FBXW4: variants seen among roughly 807,000 people sequenced by gnomAD.
The protein encoded by FBXW4 is F-box and WD repeat domain containing 4, also known as F-box/WD repeat-containing protein 4.
FBXW4 carries 40 observed loss-of-function variants against 61.8 expected under a neutral mutation model. That is an observed-to-expected ratio of 0.65 (90% CI 0.50 to 0.84). The LOEUF is 0.84. Ranked by LOEUF, FBXW4 falls within the 40% of genes least tolerant of loss-of-function variation. The probability of loss-of-function intolerance (pLI) is 0.00; values close to 1 mark genes in which losing one functional copy is unlikely to be tolerated. For synonymous variants in FBXW4, 311 were observed against 313.8 expected (o/e 0.99, Z 0.10); for missense variants, 672 against 753.8 (o/e 0.89, Z 1.27).
chr10:101,646,704 G>C (rs919038841), intron 5 of FBXW4, among the ~76,000 whole-genome samples: 1 of 152,226 alleles, frequency 6.6e-6, no homozygotes, highest in Non-Finnish European at 1.5e-5. Context: ...AAGGAGGCTG[G>C]AGAGAGCACT....
intron 5 of FBXW4, among the ~76,000 whole-genome samples, chr10:101,665,085 G>C (rs2064285178): frequency 2.6e-5 from 4 of 152,106 alleles, no homozygotes; most frequent in African/African-American, 9.7e-5. Context: ...TCTCAAGACT[G>C]AGAAAATGGC....
chr10:101,666,199 C>T (rs2064298301), intron 5 of FBXW4, among the ~76,000 whole-genome samples: 1 of 152,202 alleles, frequency 6.6e-6, no homozygotes, highest in Non-Finnish European at 1.5e-5. Flanking sequence ...CTTTCCTTCC[C>T]TCTTTCCTAC....
intron 1 of FBXW4, among the ~76,000 whole-genome samples, chr10:101,686,188 A>G (rs1163131838): frequency 1.3e-5 from 2 of 152,154 alleles, no homozygotes; most frequent in Non-Finnish European, 2.9e-5. Context: ...CTTGACCAGT[A>G]TGTGTGTTCT....
At chr10:101,684,624 T>C (rs2064515205) in intron 1 of FBXW4, among the ~76,000 whole-genome samples, 2 of 152,190 alleles carry the variant, frequency 1.3e-5, no homozygotes, top group Admixed American at 6.5e-5. Context: ...TCTCTCCAGA[T>C]TTTTCCCCAG....
At chr10:101,634,032 G>A (rs1380184228) in intron 5 of FBXW4, among the ~76,000 whole-genome samples, 4 of 152,116 alleles carry the variant, frequency 2.6e-5, no homozygotes, top group Non-Finnish European at 5.9e-5. Context: ...AGAATCACTT[G>A]AAACTGGGAG....
chr10:101,671,508 A>G (rs1352453879), intron 4 of FBXW4, among the ~76,000 whole-genome samples: 1 of 152,186 alleles, frequency 6.6e-6, no homozygotes, highest in Non-Finnish European at 1.5e-5. Flanking sequence ...ATGCCCTCAG[A>G]TTGCTACCTA....
chr10:101,611,497 G>A lies in FBXW4; in HGVS notation c.1585-87C>T. ...CCCAGGATCCCCAGGCCCAGGGGAA[G>A]AGGGACGTGTGCCATTGTAGGCTTC... On this transcript the variant is annotated intron_variant, in intron 8 of 8. Coordinates refer to ENST00000331272, the MANE Select transcript of FBXW4 (RefSeq NM_022039.4). The surrounding 1 kb of genome is among the most constrained non-coding windows in gnomAD (Gnocchi z 4.9). The A allele has an allele frequency of 1.3e-6, 2 of 1,570,804 alleles. No individual in the cohort carries two copies. Among genetic ancestry groups the A allele is most frequent in the East Asian group, 2.3e-5 (1 of 44,346 alleles).
intron 1 of FBXW4, chr10:101,676,678 G>T (rs1589776914): frequency 1.8e-5 from 2 of 111,516 alleles, no homozygotes; most frequent in Non-Finnish European, 1.6e-5. Flanking sequence ...GAGAATGCAT[G>T]ACAATCCTGG....
Position 101,694,601 on chromosome 10 carries a change from C to G in FBXW4, c.505G>C (p.Ala169Pro). Reference sequence around the variant, plus strand: ...GGGCGGGCAGCCGACTCCCGAGCCGCCTCCTCCTCCTCCTCCTCCTCCCCG... The same window carrying G: ...GGGCGGGCAGCCGACTCCCGAGCCGGCTCCTCCTCCTCCTCCTCCTCCCCG... ...AAGEEEEEEE[A>P]ARESAARPAA... Residue 169 changes from alanine (A) to proline (P), a missense_variant, in exon 1 of 9, where the codon GCG (alanine) becomes CCG (proline). This residue lies in a region of FBXW4 where 311 missense variants were observed against 301.1 expected (regional missense o/e 1.03). Coordinates refer to ENST00000331272, the MANE Select transcript of FBXW4 (RefSeq NM_022039.4). This position sits in a 1 kb window ranked among gnomAD's most constrained non-coding sequence, Gnocchi z 6.0. The G allele has an allele frequency of 3.3e-5, 40 of 1,205,186 alleles. No homozygotes were observed. Among genetic ancestry groups the G allele is most frequent in the Non-Finnish European group, 4.3e-5 (40 of 936,464 alleles). 74.7% of individuals were successfully genotyped at this position (1,205,186 alleles called of 1,614,324 possible). A position where few individuals can be genotyped will look rare whatever the true frequency, so the allele number is the denominator to read the frequency against.
At chr10:101,647,016 T>C (rs145006189) in intron 5 of FBXW4, among the ~76,000 whole-genome samples, 5 of 152,266 alleles carry the variant, frequency 3.3e-5, no homozygotes, top group African/African-American at 4.8e-5. Flanking sequence ...ATGGCTTCAG[T>C]CAGCGATACC....
chr10:101,632,696 A>G (rs1347890679), intron 5 of FBXW4, among the ~76,000 whole-genome samples: 1 of 152,228 alleles, frequency 6.6e-6, no homozygotes, highest in Non-Finnish European at 1.5e-5. Flanking sequence ...AGCTGCAGGG[A>G]GAAGAGTTTC....
At chr10:101,670,634 T>C (rs2064350338) in intron 4 of FBXW4, among the ~76,000 whole-genome samples, 1 of 152,172 alleles carries the variant, frequency 6.6e-6, no homozygotes, top group Admixed American at 6.5e-5. Context: ...AGGCTTTATC[T>C]CCCTTACTTC....
intron 2 of FBXW4, 45 bp from the exon 3 acceptor site, chr10:101,673,718 A>G: frequency 1.3e-6 from 2 of 1,574,780 alleles, no homozygotes; most frequent in Non-Finnish European, 1.7e-6. Context: ...AAGATACAGT[A>G]TGAAAACTCA....
intron 5 of FBXW4, among the ~76,000 whole-genome samples, chr10:101,667,013 C>T (rs527563653): frequency 3.7e-4 from 56 of 151,840 alleles, no homozygotes; most frequent in African/African-American, 7.5e-4. Context: ...AGGCGGATCA[C>T]GAGGTCAGGT....
Position 101,611,522 on chromosome 10 carries a change from C to T in FBXW4, c.1584+106G>A. The T allele has an allele frequency of 6.4e-7, 1 of 1,573,454 alleles. No individual in the cohort carries two copies. The highest frequency in any genetic ancestry group is 1.3e-5 in the African/African-American group (1 of 74,422). ...GAGGGACGTGTGCCATTGTAGGCTT[C>T]TTCCAACCCTTTCTAGGCACGTCCT... On this transcript the variant is annotated intron_variant, in intron 8 of 8. Coordinates refer to ENST00000331272, the MANE Select transcript of FBXW4 (RefSeq NM_022039.4). The surrounding 1 kb of genome is among the most constrained non-coding windows in gnomAD (Gnocchi z 4.9).
chr10:101,637,391 C>CAAAAA (rs908050683), intron 5 of FBXW4, among the ~76,000 whole-genome samples: 1 of 14,842 alleles, frequency 6.7e-5, no homozygotes, highest in Non-Finnish European at 1.3e-4. Flanking sequence ...GACTCCGTCT[C>CAAAAA]AAAAAAAAAA....
At chr10:101,637,391 CA>C (rs908050683) in intron 5 of FBXW4, among the ~76,000 whole-genome samples, 152 of 14,852 alleles carry the variant, frequency 0.01, no homozygotes, top group African/African-American at 0.03. Context: ...GACTCCGTCT[CA>C]AAAAAAAAAA....
chr10:101,621,816 A>G (rs1431199181), intron 6 of FBXW4, among the ~76,000 whole-genome samples: 1 of 152,214 alleles, frequency 6.6e-6, no homozygotes, highest in African/African-American at 2.4e-5. Context: ...TGAAGGACCT[A>G]GAACTTTTGG....
At chr10:101,683,163 T>C (rs2064496859) in intron 1 of FBXW4, among the ~76,000 whole-genome samples, 1 of 152,216 alleles carries the variant, frequency 6.6e-6, no homozygotes, top group Non-Finnish European at 1.5e-5. Flanking sequence ...CCCTTGGAAT[T>C]CACCAGGGAC....
Sources: allele counts gnomAD v4.1 joint callset (sites outside exome capture counted in the v4.1 genomes callset), GRCh38; gene constraint gnomAD v4.1.1; regional missense constraint gnomAD v4.1.1; non-coding constraint Gnocchi (gnomAD v3.1); transcripts MANE v1.5; gene names NCBI Gene and HGNC (gene_info 2026-07-23, HGNC 2026-07-21).